RAPGEF4: variants seen among roughly 807,000 people sequenced by gnomAD.
RAPGEF4 encodes RAP guanine-nucleotide-exchange factor (GEF) 4.
In RAPGEF4, 66 loss-of-function variants were observed where a neutral mutation model predicts 147.9. The ratio of observed to expected loss-of-function variants is 0.45; its 90% confidence interval spans 0.37 to 0.55. RAPGEF4 has a LOEUF of 0.55. RAPGEF4 is among the 20% of genes least tolerant of loss of function. The probability of loss-of-function intolerance (pLI) is 0.00; values close to 1 mark genes in which losing one functional copy is unlikely to be tolerated. For synonymous variants in RAPGEF4, 419 were observed against 442.7 expected (o/e 0.95, Z 0.67); for missense variants, 1,071 against 1,257.3 (o/e 0.85, Z 2.24).
intron 26 of RAPGEF4, among the ~76,000 whole-genome samples, chr2:173,031,978 T>C (rs896237857): frequency 1.3e-5 from 2 of 151,814 alleles, no homozygotes; most frequent in African/African-American, 4.8e-5. Context: ...ACAAGAGCAG[T>C]GTGAGAAATG....
At chr2:172,951,708 G>A (rs946576507) in intron 6 of RAPGEF4, among the ~76,000 whole-genome samples, 3 of 152,142 alleles carry the variant, frequency 2.0e-5, no homozygotes, top group African/African-American at 7.2e-5. Flanking sequence ...CTGAGCAGAG[G>A]GCTAGAGAGC....
Position 172,941,230 on chromosome 2 carries a change from G to A in RAPGEF4, c.537+18930G>A, listed in dbSNP as rs191606824. On this transcript the variant is annotated intron_variant, in intron 6 of 30. Transcript: ENST00000397081. ...TCTCGTTGCACAAGGTAGGACTTCCGGTATGATAGTCAATAGGAATGGTGA... is the reference window on the plus strand; with the variant it reads ...TCTCGTTGCACAAGGTAGGACTTCCAGTATGATAGTCAATAGGAATGGTGA... Among the ~76,000 whole-genome samples, 4 of 151,958 alleles carry A rather than the reference G, an allele frequency of 2.6e-5. No homozygotes were observed. The South Asian group carries it at 6.3e-4, about 24-fold the overall frequency.
chr2:172,829,708 C>T (rs1490651700), intron 4 of RAPGEF4, among the ~76,000 whole-genome samples: 1 of 151,686 alleles, frequency 6.6e-6, no homozygotes, highest in Admixed American at 6.6e-5. Context: ...GAAAAGAGCT[C>T]TAAGTTTGTT....
intron 10 of RAPGEF4, among the ~76,000 whole-genome samples, chr2:172,970,182 C>CTT (rs71018527): frequency 0.16 from 21,913 of 139,912 alleles, 1,883 homozygotes; most frequent in South Asian, 0.2. Context: ...CACACACACC[C>CTT]TTTTTTTTTT....
At chr2:172,808,003 C>G (rs1439018237) in intron 3 of RAPGEF4, among the ~76,000 whole-genome samples, 1 of 152,192 alleles carries the variant, frequency 6.6e-6, no homozygotes, top group African/African-American at 2.4e-5. Flanking sequence ...ATTCTTATGT[C>G]TGTTTAATTG....
At chr2:172,944,586 A>T (rs1375260357) in intron 6 of RAPGEF4, among the ~76,000 whole-genome samples, 6 of 152,160 alleles carry the variant, frequency 3.9e-5, no homozygotes, top group Non-Finnish European at 8.8e-5. Flanking sequence ...AGGGAAGCAG[A>T]TGGGATTGAG....
intron 4 of RAPGEF4, among the ~76,000 whole-genome samples, chr2:172,817,523 T>G (rs965980246): frequency 2.0e-5 from 3 of 152,140 alleles, no homozygotes; most frequent in Non-Finnish European, 2.9e-5. Flanking sequence ...GTCAGCTAGA[T>G]CACCCAAATA....
chr2:172,901,172 G>A (rs1318574180), intron 4 of RAPGEF4, among the ~76,000 whole-genome samples: 1 of 152,044 alleles, frequency 6.6e-6, no homozygotes, highest in Non-Finnish European at 1.5e-5. Flanking sequence ...ATCATAAGTG[G>A]GCCACACATG....
chr2:173,002,011 A>AAAAAAAAAAAAAAAAAAAAAAC (rs1693980768), intron 17 of RAPGEF4, among the ~76,000 whole-genome samples: 2 of 150,740 alleles, frequency 1.3e-5, no homozygotes, highest in Non-Finnish European at 3.0e-5. Flanking sequence ...AAAAAAAAAA[A>AAAAAAAAAAAAAAAAAAAAAAC]AAAATCCATT....
intron 4 of RAPGEF4, among the ~76,000 whole-genome samples, chr2:172,849,348 C>G (rs1692565922): frequency 1.3e-5 from 2 of 152,090 alleles, no homozygotes; most frequent in African/African-American, 2.4e-5. Context: ...TAATAAGAGC[C>G]CTTTATTAGT....
chr2:173,019,465 A>C (rs1246914785), intron 22 of RAPGEF4, among the ~76,000 whole-genome samples: 1 of 152,208 alleles, frequency 6.6e-6, no homozygotes, highest in Non-Finnish European at 1.5e-5. Flanking sequence ...AGTTAAAACA[A>C]TTACAGTTCA....
chr2:172,921,385 G>T (rs1684742782), intron 5 of RAPGEF4, among the ~76,000 whole-genome samples: 1 of 152,140 alleles, frequency 6.6e-6, no homozygotes, highest in East Asian at 1.9e-4. Context: ...ACTGCATCCA[G>T]CTAGCACTCA....
At position 172,983,478 on chromosome 2, in the gene RAPGEF4, T is replaced by A. The variant is rs1330525092; in HGVS notation, c.1005-18T>A. 2 of 1,583,296 alleles carry A rather than the reference T, an allele frequency of 1.3e-6. No homozygotes were observed. Among genetic ancestry groups the A allele is most frequent in the African/African-American group, 2.7e-5 (2 of 72,842 alleles). On this transcript the variant is annotated intron_variant, in intron 10 of 30. Coordinates refer to ENST00000397081, the MANE Select transcript of RAPGEF4 (RefSeq NM_007023.4). ...ATGCCCTTTTTCCATATTCCTTTTTTTTTTTTTATCTTTGTAGACCTGGCC... is the reference window on the plus strand; with the variant it reads ...ATGCCCTTTTTCCATATTCCTTTTTATTTTTTTATCTTTGTAGACCTGGCC...
chr2:172,793,512 G>A (rs1022892149), intron 1 of RAPGEF4, among the ~76,000 whole-genome samples: 5 of 152,186 alleles, frequency 3.3e-5, no homozygotes, highest in Non-Finnish European at 7.3e-5. Context: ...GGGAGCACAT[G>A]GCTATTTGGT....
intron 4 of RAPGEF4, chr2:172,889,812 T>C: frequency 4.1e-6 from 4 of 981,168 alleles, no homozygotes; most frequent in Non-Finnish European, 4.8e-6. Context: ...ATGTCAGTAT[T>C]TAAACTCCTG....
intron 18 of RAPGEF4, among the ~76,000 whole-genome samples, chr2:173,014,874 C>T (rs1023980491): frequency 2.0e-5 from 3 of 152,116 alleles, no homozygotes; most frequent in Admixed American, 6.5e-5. Flanking sequence ...CTTGTAGTCA[C>T]GTAGCACCCA....
At chr2:172,896,154 C>T (rs906497949) in intron 4 of RAPGEF4, among the ~76,000 whole-genome samples, 1 of 152,204 alleles carries the variant, frequency 6.6e-6, no homozygotes, top group Non-Finnish European at 1.5e-5. Context: ...AATAAGAAAA[C>T]GGAAGCTACT....
chr2:172,840,357 C>G (rs1327970374), intron 4 of RAPGEF4, among the ~76,000 whole-genome samples: 1 of 152,178 alleles, frequency 6.6e-6, no homozygotes, highest in African/African-American at 2.4e-5. Flanking sequence ...GAGCCCTGAC[C>G]CAACAGGACA....
At chr2:173,045,406 C>T (rs888001509) in intron 29 of RAPGEF4, among the ~76,000 whole-genome samples, 2 of 152,158 alleles carry the variant, frequency 1.3e-5, no homozygotes, top group African/African-American at 4.8e-5. Context: ...GTCTAGGGCA[C>T]CATACTAGAG....
Sources: gnomAD v4.1 joint callset for allele counts (sites outside exome capture counted in the v4.1 genomes callset) on GRCh38, gnomAD v4.1.1 for gene constraint, MANE v1.5 for transcripts, NCBI Gene and HGNC (gene_info 2026-07-23, HGNC 2026-07-21) for gene names.